Variants in ZBTB41 observed in about 807,000 individuals in gnomAD.
ZBTB41 encodes the protein zinc finger and BTB domain-containing protein 41.
A neutral mutation model predicts 87.6 loss-of-function variants in ZBTB41; 42 were observed. The observed-to-expected ratio is 0.48, with a 90% CI of 0.37 to 0.62. The LOEUF (loss-of-function observed/expected upper bound fraction) is 0.62. Ranked by LOEUF, ZBTB41 falls within the 20% of genes least tolerant of loss-of-function variation. ZBTB41 has a pLI of 0.00. For missense variants in ZBTB41, 799 were observed against 1,078.9 expected (o/e 0.74, Z 3.63); for synonymous variants, 364 against 364.0 (o/e 1.00, Z 0.00).
chr1:197,159,637 G>A lies in ZBTB41; in HGVS notation c.2452C>T (p.Pro818Ser). 6.2e-7 allele frequency: 1 copy of A among 1,613,974 alleles called. No individual in the cohort carries two copies. The highest frequency in any genetic ancestry group is 8.5e-7 in the Non-Finnish European group (1 of 1,179,900). Reference protein sequence around the residue: ...VPVTLVPVQMPDTPSDLVRHT... With the variant: ...VPVTLVPVQMSDTPSDLVRHT... ...CGCACTAGGTCACTCGGAGTGTCAG[G>A]CATCTGAACTGGAACCAGAGTTACT... The change falls in exon 11 of 11, where the codon CCT becomes TCT. Residue 818 changes from proline (P) to serine (S), a missense_variant. Physicochemically the swap from Pro to Ser is moderately conservative, Grantham distance 74 (BLOSUM62 -1). This residue lies in a region of ZBTB41 where 171 missense variants were observed against 191.9 expected (regional missense o/e 0.89). Transcript: ENST00000367405.
At position 197,172,188 on chromosome 1, in the gene ZBTB41, A is replaced by T; in HGVS notation, c.2046T>A (p.Ser682Arg). 1.4e-6 allele frequency: 2 copies of T among 1,436,746 alleles called. No homozygotes were observed. Among genetic ancestry groups the T allele is most frequent in the Non-Finnish European group, 1.8e-6 (2 of 1,082,536 alleles). 89.0% of individuals were successfully genotyped at this position (1,436,746 alleles called of 1,614,324 possible). The part of the protein sequence containing the change: ...VCKKIFKGKS[S>R]LEMHFRTHSG... ...AATGCGTTCGAAAATGCATTTCCAG[A>T]CTTGATTTGCCTTTAAAAATTTTCT... The change falls in exon 10 of 11, where the codon AGT (serine) becomes AGA (arginine). Residue 682 changes from serine to arginine, a missense_variant. This residue lies in a region of ZBTB41 where 198 missense variants were observed against 358.4 expected (regional missense o/e 0.55). Coordinates refer to ENST00000367405, the MANE Select transcript of ZBTB41 (RefSeq NM_194314.3).
At chr1:197,186,246 A>G (rs1272350099) in intron 5 of ZBTB41, among the ~76,000 whole-genome samples, 2 of 151,550 alleles carry the variant, frequency 1.3e-5, no homozygotes, top group Non-Finnish European at 2.9e-5. Context: ...TCTTTTTAAG[A>G]AATGGTCCTA....
At chr1:197,189,220 C>G (rs796314121) in intron 4 of ZBTB41, among the ~76,000 whole-genome samples, 10 of 152,062 alleles carry the variant, frequency 6.6e-5, no homozygotes, top group African/African-American at 2.4e-4. Flanking sequence ...GCTAGGGATG[C>G]CTTAAAAAAG....
At chr1:197,167,361 A>G in intron 10 of ZBTB41, among the ~76,000 whole-genome samples, 1 of 152,012 alleles carries the variant, frequency 6.6e-6, no homozygotes, top group East Asian at 1.9e-4. Context: ...CGCTTGGCTA[A>G]TTTTTGGAAT....
At chr1:197,188,495 T>A (rs1258645913) in intron 4 of ZBTB41, 56 bp from the exon 5 acceptor site, 2 of 1,452,360 alleles carry the variant, frequency 1.4e-6, no homozygotes, top group African/African-American at 2.9e-5. Flanking sequence ...ATTGTAATAT[T>A]AAGCTTGTAA....
intron 9 of ZBTB41, among the ~76,000 whole-genome samples, chr1:197,173,678 T>C (rs961949131): frequency 1.7e-4 from 26 of 152,216 alleles, no homozygotes; most frequent in African/African-American, 6.0e-4. Flanking sequence ...ATTTTGTGAA[T>C]TGAGGTTGTG....
intron 10 of ZBTB41, among the ~76,000 whole-genome samples, chr1:197,165,483 G>A (rs1211533647): frequency 6.6e-6 from 1 of 151,718 alleles, no homozygotes; most frequent in Non-Finnish European, 1.5e-5. Context: ...GGTGGCAGGC[G>A]CCTGTAGTCC....
intron 10 of ZBTB41, among the ~76,000 whole-genome samples, chr1:197,162,276 T>C (rs892530912): frequency 2.0e-5 from 3 of 152,050 alleles, no homozygotes; most frequent in Non-Finnish European, 2.9e-5. Flanking sequence ...TGAAAAAATA[T>C]AGATTAAAGA....
Position 197,156,249 on chromosome 1 carries a change from C to T in ZBTB41, c.*3110G>A, listed in dbSNP as rs1167826962. The T allele has an allele frequency of 6.6e-6, 1 of 151,578 alleles. No individual in the cohort carries two copies. Among genetic ancestry groups the T allele is most frequent in the African/African-American group, 2.4e-5 (1 of 41,224 alleles). The allele number at this position is 151,578 out of a possible 1,614,324, so 9.4% of individuals were successfully genotyped here. On this transcript the variant is annotated 3_prime_UTR_variant, in exon 11 of 11. Coordinates refer to ENST00000367405, the MANE Select transcript of ZBTB41 (RefSeq NM_194314.3). ...CCATTATTCTAGGACTTCAACTGTG[C>T]TTCTTTGGACAAATAGTTATTCAAG... is the stretch of plus-strand genomic sequence containing the variant.
chr1:197,186,610 C>T (rs1056604575), intron 5 of ZBTB41, among the ~76,000 whole-genome samples: 1 of 152,136 alleles, frequency 6.6e-6, no homozygotes, highest in African/African-American at 2.4e-5. Flanking sequence ...GCCTGTAATC[C>T]CAGCACTTTG....
rs141835493 is a variant in ZBTB41, at chr1:197,200,118, T to C, written c.356A>G (p.Lys119Arg). The change falls in exon 2 of 11, where the codon AAA (lysine) becomes AGA (arginine). Residue 119 changes from lysine to arginine, a missense_variant. Lys to Arg is a conservative substitution (Grantham distance 26). This residue lies in a region of ZBTB41 where 59 missense variants were observed against 120.1 expected (regional missense o/e 0.49). Transcript: ENST00000367405. ...GSSYFHACLS[K>R]NPSTDVVTLD... ...GGTGACAACATCAGTGCTTGGATTT[T>C]TGCTCAAACACGCATGAAAATAACT... 15 of 1,613,812 alleles carry C rather than the reference T, an allele frequency of 9.3e-6. No individual in the cohort carries two copies. Among genetic ancestry groups the C allele is most frequent in the Admixed American group, 5.0e-5 (3 of 59,988 alleles).
At position 197,176,657 on chromosome 1, in the gene ZBTB41, C is replaced by T. The variant is rs1309823294; in HGVS notation, c.1786G>A (p.Val596Ile). 1 of 1,609,782 alleles carries T rather than the reference C, an allele frequency of 6.2e-7. No individual in the cohort carries two copies. The highest frequency in any genetic ancestry group is 8.5e-7 in the Non-Finnish European group (1 of 1,177,566). ...HGSSYRLHLR[V>I]HHDDKRYECD... ...TCATATCTTTTATCATCATGATGTA[C>T]TCGTAAGTGAAGTCTATAAAGAAAA... Residue 596 changes from valine (V) to isoleucine (I), a missense_variant, in exon 8 of 11, where the codon GTA becomes ATA. Coordinates refer to ENST00000367405, the MANE Select transcript of ZBTB41 (RefSeq NM_194314.3).
In ZBTB41 at chr1:197,199,869, C is replaced by A; in HGVS notation, c.605G>T (p.Arg202Ile). 1 of 1,609,854 alleles carries A rather than the reference C, an allele frequency of 6.2e-7. No homozygotes were observed. Among genetic ancestry groups the A allele is most frequent in the South Asian group, 1.1e-5 (1 of 90,032 alleles). Residue 202 changes from arginine to isoleucine, a missense_variant, in exon 2 of 11, where the codon AGA becomes ATA. Coordinates refer to ENST00000367405, the MANE Select transcript of ZBTB41 (RefSeq NM_194314.3). ...PEETLNELTG[R>I]LSNNHQCKFC... Reference sequence around the variant, plus strand: ...TTTGCACTGATGATTATTTGATAGTCTTCCAGTTAATTCATTTAGTGTTTC... The same window carrying A: ...TTTGCACTGATGATTATTTGATAGTATTCCAGTTAATTCATTTAGTGTTTC...
intron 7 of ZBTB41, 107 bp downstream of exon 7, chr1:197,178,310 A>C: frequency 2.7e-6 from 2 of 732,768 alleles, no homozygotes; most frequent in Non-Finnish European, 4.1e-6. Flanking sequence ...TTTGCATATC[A>C]TAAGGACTAA....
intron 5 of ZBTB41, among the ~76,000 whole-genome samples, chr1:197,181,749 T>G (rs942851617): frequency 2.6e-5 from 4 of 152,132 alleles, no homozygotes; most frequent in Non-Finnish European, 4.4e-5. Flanking sequence ...TTCTAATGAA[T>G]TAATCATAAT....
At position 197,187,370 on chromosome 1, in the gene ZBTB41, A is replaced by G. The variant is rs1659911177; in HGVS notation, c.1546+922T>C. 1.3e-5 allele frequency among the ~76,000 whole-genome samples: 2 copies of G among 152,220 alleles called. 1 individual carries two copies. Among genetic ancestry groups the G allele is most frequent in the Admixed American group, 1.3e-4 (2 of 15,282 alleles). The stretch of plus-strand genomic sequence containing the variant: ...CAATGGAATAAAGTCCTCCCTAGGT[A>G]TCCATGAGGGACTGGTTCCAGGATG... On this transcript the variant is annotated intron_variant, in intron 5 of 10. Coordinates refer to ENST00000367405, the MANE Select transcript of ZBTB41 (RefSeq NM_194314.3).
At position 197,200,075 on chromosome 1, in the gene ZBTB41, ATG is replaced by A; in HGVS notation, c.397_398del (p.His133PhefsTer8). 1 of 1,613,152 alleles carries A rather than the reference ATG, an allele frequency of 6.2e-7. No individual in the cohort carries two copies. On this transcript the variant is annotated frameshift_variant, in exon 2 of 11. Transcript: ENST00000367405. LOFTEE classifies it high-confidence loss of function. Reference sequence around the variant, plus strand: ...ATTCAAGCAAATGCTGAAAAACTGAATGTGTTACGTGATCCAGGGTGACAACA... The same window carrying A: ...ATTCAAGCAAATGCTGAAAAACTGAATGTTACGTGATCCAGGGTGACAACA... ...TDVVTLDHVT[H>X]SVFQHLLEFL...
In ZBTB41 at chr1:197,200,527, T is replaced by C. The variant is rs1652723215; in HGVS notation, c.-54A>G. The C allele has an allele frequency of 6.7e-7, 1 of 1,494,412 alleles. No homozygotes were observed. 92.6% of individuals were successfully genotyped at this position (1,494,412 alleles called of 1,614,324 possible). ...CTTCATAAGTGTCTTAAGTGATTTATAAAGGAAAACTAGATTGTCTTGGAT... is the reference window on the plus strand; with the variant it reads ...CTTCATAAGTGTCTTAAGTGATTTACAAAGGAAAACTAGATTGTCTTGGAT... On this transcript the variant is annotated 5_prime_UTR_variant, in exon 2 of 11. Transcript: ENST00000367405.
intron 5 of ZBTB41, among the ~76,000 whole-genome samples, chr1:197,186,725 A>C (rs1659893275): frequency 6.6e-6 from 1 of 151,980 alleles, no homozygotes. Flanking sequence ...TTAGCTGGAC[A>C]TGGTGGCAGG....
Sources: allele counts gnomAD v4.1 joint callset (sites outside exome capture counted in the v4.1 genomes callset), GRCh38; gene constraint gnomAD v4.1.1; regional missense constraint gnomAD v4.1.1; transcripts MANE v1.5; gene names NCBI Gene and HGNC (gene_info 2026-07-23, HGNC 2026-07-21).